Variants in ZNF609 observed in about 807,000 individuals in gnomAD.
ZNF609 encodes zinc finger protein 609.
In ZNF609, 11 loss-of-function variants were observed where a neutral mutation model predicts 109.5. The ratio of observed to expected loss-of-function variants is 0.10; its 90% CI spans 0.06 to 0.17. The LOEUF is 0.17. ZNF609 is among the 10% of genes least tolerant of loss of function. The pLI is 1.00. For missense variants in ZNF609, 1,559 were observed against 1,772.4 expected, an observed-to-expected ratio of 0.88 and a Z score of 2.16; for synonymous variants, 646 against 662.0, an observed-to-expected ratio of 0.98 and a Z score of 0.37.
At position 64,577,600 on chromosome 15, in the gene ZNF609, AAT is replaced by A. The variant is rs1472497550; in HGVS notation, c.748-45221_748-45220del. Among the ~76,000 whole-genome samples the A allele has an allele frequency of 2.5e-3, 31 of 12,216 alleles. 3 individuals are homozygous for A. The highest frequency in any genetic ancestry group is 5.1e-3 in the African/African-American group (30 of 5,910). 8.0% of individuals were successfully genotyped at this position (12,216 alleles called of 152,430 possible). On this transcript the variant is annotated intron_variant, in intron 2 of 9. Coordinates refer to ENST00000326648, the MANE Select transcript of ZNF609 (RefSeq NM_015042.2). ...ATATATGTGTATATATACACATATAAATATATACATATATATGTGTATATATA... is the reference window on the plus strand; with the variant it reads ...ATATATGTGTATATATACACATATAAATATACATATATATGTGTATATATA...
At chr15:64,543,883 T>C (rs1273700945) in intron 2 of ZNF609, among the ~76,000 whole-genome samples, 1 of 152,240 alleles carries the variant, frequency 6.6e-6, no homozygotes, top group East Asian at 1.9e-4. Context: ...TCGAATTCTT[T>C]TCCACCTAGA....
At chr15:64,487,186 T>A (rs1893345163) in intron 1 of ZNF609, among the ~76,000 whole-genome samples, 1 of 152,148 alleles carries the variant, frequency 6.6e-6, no homozygotes, top group African/African-American at 2.4e-5. Context: ...TCTATAAATC[T>A]CATAGTCAAA....
intron 2 of ZNF609, among the ~76,000 whole-genome samples, chr15:64,588,795 C>T (rs1028691260): frequency 2.0e-5 from 3 of 151,934 alleles, no homozygotes; most frequent in Admixed American, 6.6e-5. Flanking sequence ...TGTGTCACTA[C>T]GTCTGGCTAA....
intron 1 of ZNF609, among the ~76,000 whole-genome samples, chr15:64,486,880 GT>G (rs1893341738): frequency 6.6e-6 from 1 of 152,130 alleles, no homozygotes; most frequent in Non-Finnish European, 1.5e-5. Flanking sequence ...CATTACAGGT[GT>G]GAGCCACTAC....
At chr15:64,629,969 G>A (rs569482187) in intron 3 of ZNF609, among the ~76,000 whole-genome samples, 1 of 152,084 alleles carries the variant, frequency 6.6e-6, no homozygotes, top group South Asian at 2.1e-4. Context: ...AACATCAACA[G>A]AAACTGATTT....
intron 2 of ZNF609, among the ~76,000 whole-genome samples, chr15:64,601,879 A>G (rs577334874): frequency 2.3e-3 from 345 of 152,328 alleles, no homozygotes; most frequent in Non-Finnish European, 4.1e-3. Flanking sequence ...GTAGCATAGT[A>G]TAGTGGAAAA....
At chr15:64,565,047 CT>C (rs1191719814) in intron 2 of ZNF609, among the ~76,000 whole-genome samples, 1 of 139,224 alleles carries the variant, frequency 7.2e-6, no homozygotes, top group African/African-American at 2.6e-5. Context: ...ACGGGGTTTT[CT>C]TTTTTTTTCT....
intron 2 of ZNF609, chr15:64,528,945 C>A: frequency 7.5e-7 from 1 of 1,326,426 alleles, no homozygotes; most frequent in Non-Finnish European, 1.1e-6. Flanking sequence ...AGGTCAGGTC[C>A]GCCACTGACA....
intron 2 of ZNF609, chr15:64,593,145 C>G (rs975339807): frequency 1.3e-6 from 2 of 1,575,916 alleles, no homozygotes; most frequent in African/African-American, 2.7e-5. Flanking sequence ...ATTTCTGAAG[C>G]GAGCGTCTTC....
chr15:64,636,549 A>G lies in ZNF609; in HGVS notation c.973+13497A>G, dbSNP rs114717960. Among the ~76,000 whole-genome samples the G allele has an allele frequency of 2.4e-3, 368 of 152,376 alleles. 2 individuals carry two copies. Among genetic ancestry groups the G allele is most frequent in the African/African-American group, 8.5e-3 (355 of 41,592 alleles). ...TGACTCTGATTATCCCTACCTTTTG[A>G]AAATTTTCTAGATCATTCAATATAC... is the stretch of plus-strand genomic sequence containing the variant. On this transcript the variant is annotated intron_variant, in intron 3 of 9. Transcript: ENST00000326648.
chr15:64,534,593 G>A (rs1894112365), intron 2 of ZNF609, among the ~76,000 whole-genome samples: 1 of 152,102 alleles, frequency 6.6e-6, no homozygotes, highest in African/African-American at 2.4e-5. Flanking sequence ...GGGATCATAG[G>A]CATGAGCCAC....
chr15:64,542,700 T>C (rs1398746578), intron 2 of ZNF609, among the ~76,000 whole-genome samples: 2 of 152,204 alleles, frequency 1.3e-5, no homozygotes, highest in Non-Finnish European at 2.9e-5. Context: ...TTTTCACTTA[T>C]TCAGAAGTCC....
At chr15:64,543,786 C>G (rs1338743560) in intron 2 of ZNF609, among the ~76,000 whole-genome samples, 1 of 152,176 alleles carries the variant, frequency 6.6e-6, no homozygotes, top group Non-Finnish European at 1.5e-5. Flanking sequence ...TTTTAAGAAG[C>G]AATCAAAGTT....
intron 2 of ZNF609, among the ~76,000 whole-genome samples, chr15:64,527,823 T>G (rs1893989881): frequency 6.6e-6 from 1 of 152,158 alleles, no homozygotes; most frequent in African/African-American, 2.4e-5. Flanking sequence ...TGCTTATCTC[T>G]TGTAACTTCC....
intron 2 of ZNF609, among the ~76,000 whole-genome samples, chr15:64,544,027 A>G (rs1267897060): frequency 6.6e-6 from 1 of 152,140 alleles, no homozygotes; most frequent in Non-Finnish European, 1.5e-5. Context: ...AAGAAAAAAA[A>G]TCCATACAGC....
intron 3 of ZNF609, among the ~76,000 whole-genome samples, chr15:64,632,151 C>T (rs1378407013): frequency 6.6e-6 from 1 of 152,126 alleles, no homozygotes; most frequent in Non-Finnish European, 1.5e-5. Context: ...CTACCAGGCT[C>T]AAGTGATCCT....
chr15:64,587,743 T>A (rs1363725865), intron 2 of ZNF609, among the ~76,000 whole-genome samples: 2 of 152,112 alleles, frequency 1.3e-5, no homozygotes, highest in Non-Finnish European at 2.9e-5. Context: ...GGAAACACTA[T>A]AAAAATAGCT....
intron 1 of ZNF609, among the ~76,000 whole-genome samples, chr15:64,473,239 C>G (rs1893116500): frequency 7.3e-6 from 1 of 137,886 alleles, no homozygotes; most frequent in South Asian, 2.3e-4. Flanking sequence ...TGCTCTGTCG[C>G]CCAGGCTGGA....
At chr15:64,679,750 A>G (rs1896855949) in intron 6 of ZNF609, among the ~76,000 whole-genome samples, 1 of 152,202 alleles carries the variant, frequency 6.6e-6, no homozygotes, top group South Asian at 2.1e-4. Context: ...ACCTTAAGTA[A>G]TAAGTATTGA....
Sources: allele counts gnomAD v4.1 joint callset (sites outside exome capture counted in the v4.1 genomes callset), GRCh38; gene constraint gnomAD v4.1.1; transcripts MANE v1.5; gene names NCBI Gene and HGNC (gene_info 2026-07-23, HGNC 2026-07-21).